TEX15: variants seen among roughly 807,000 people sequenced by gnomAD.
TEX15 encodes testis expressed 15, meiosis and synapsis associated.
A neutral mutation model predicts 237.3 loss-of-function variants in TEX15; 171 were observed. The ratio of observed to expected loss-of-function variants is 0.72; its 90% CI spans 0.64 to 0.82. The LOEUF (loss-of-function observed/expected upper bound fraction) is 0.82. Among genes scored for constraint, TEX15 ranks in the 40% least tolerant of loss-of-function variants. The pLI is 0.00. For synonymous variants in TEX15, 1,338 were observed against 1,269.8 expected, an observed-to-expected ratio of 1.05 and a Z score of -1.14; for missense variants, 3,750 against 3,646.5, an observed-to-expected ratio of 1.03 and a Z score of -0.73.
In TEX15 at chr8:30,843,403, T is replaced by C; in HGVS notation, c.6764A>G (p.Asn2255Ser). Residue 2255 changes from asparagine (N) to serine (S), a missense_variant, in exon 8 of 11, where the codon AAC (asparagine) becomes AGC (serine). Asn to Ser is a conservative substitution (Grantham distance 46, BLOSUM62 1). Transcript: ENST00000643185. Reference protein sequence around the residue: ...ISSKVNFIKNNEAVRVKISLY... With the variant: ...ISSKVNFIKNSEAVRVKISLY... ...AGATATTTTAACACGTACTGCCTCG[T>C]TGTTCTTAATAAAATTAACCTTTGA... is the stretch of plus-strand genomic sequence containing the variant. 6.2e-7 allele frequency: 1 copy of C among 1,613,084 alleles called. No homozygotes were observed. Among genetic ancestry groups the C allele is most frequent in the Non-Finnish European group, 8.5e-7 (1 of 1,179,676 alleles).
chr8:30,905,627 G>A (rs958696072), intron 1 of TEX15, among the ~76,000 whole-genome samples: 18 of 150,280 alleles, frequency 1.2e-4, no homozygotes, highest in Non-Finnish European at 2.2e-4. Context: ...TGTGGCTCAC[G>A]CCTATAATCC....
In TEX15 at chr8:30,832,049, A is replaced by G. The variant is rs1375571902; in HGVS notation, c.*1237T>C. ...TGACCTTCCCTTTTTAAAGATCTCT[A>G]TGTTAAAGAAGCAGCTTAGGTATTC... is the stretch of plus-strand genomic sequence containing the variant. On this transcript the variant is annotated 3_prime_UTR_variant, in exon 11 of 11. Transcript: ENST00000643185. The G allele has an allele frequency of 1.3e-5, 2 of 152,126 alleles. No homozygotes were observed. Among genetic ancestry groups the G allele is most frequent in the Admixed American group, 6.6e-5 (1 of 15,266 alleles). 9.4% of individuals were successfully genotyped at this position (152,126 alleles called of 1,614,324 possible).
Position 30,846,596 on chromosome 8 carries a change from G to A in TEX15, c.3571C>T (p.Pro1191Ser), listed in dbSNP as rs2128767986. Residue 1191 changes from proline (P) to serine (S), a missense_variant, in exon 8 of 11, where the codon CCG (proline) becomes TCG (serine). Transcript: ENST00000643185. Reference protein sequence around the residue: ...FCTHVTEATKPEINKEDGEIL... With the variant: ...FCTHVTEATKSEINKEDGEIL... ...TCTCCATCTTCCTTATTTATTTCCGGTTTTGTGGCTTCAGTTACATGTGTG... is the reference window on the plus strand; with the variant it reads ...TCTCCATCTTCCTTATTTATTTCCGATTTTGTGGCTTCAGTTACATGTGTG... 5.6e-6 allele frequency: 9 copies of A among 1,613,834 alleles called. No homozygotes were observed. Among genetic ancestry groups the A allele is most frequent in the Non-Finnish European group, 7.6e-6 (9 of 1,179,804 alleles).
intron 5 of TEX15, among the ~76,000 whole-genome samples, chr8:30,861,771 A>G (rs558883647): frequency 1.3e-5 from 2 of 152,286 alleles, no homozygotes; most frequent in African/African-American, 4.8e-5. Context: ...AAAACATTAT[A>G]CAGAGAGAAG....
At chr8:30,911,497 G>A (rs1461553918) in intron 1 of TEX15, among the ~76,000 whole-genome samples, 3 of 151,956 alleles carry the variant, frequency 2.0e-5, no homozygotes, top group Non-Finnish European at 4.4e-5. Flanking sequence ...ACACATAGTC[G>A]TCAAAAAGGA....
intron 1 of TEX15, among the ~76,000 whole-genome samples, chr8:30,907,215 T>C (rs902691536): frequency 6.6e-6 from 1 of 152,190 alleles, no homozygotes; most frequent in Non-Finnish European, 1.5e-5. Context: ...GGTGCAATCA[T>C]GGCTCATTGT....
At position 30,837,911 on chromosome 8, in the gene TEX15, G is replaced by A. The variant is rs369555778; in HGVS notation, c.8373C>T (p.Cys2791=). The A allele has an allele frequency of 1.9e-5, 31 of 1,614,010 alleles. No individual in the cohort carries two copies. Among genetic ancestry groups the A allele is most frequent in the Non-Finnish European group, 2.5e-5 (29 of 1,180,038 alleles). The stretch of plus-strand genomic sequence containing the variant: ...CTATTTTGCTTTCCGACTTTGATGC[G>A]CAAGTGTCTTTTGGGTTCTCTAAGG... ...LLPLENPKDT[C]ASKSESKIDL... Residue 2791 remains cysteine (C), a synonymous_variant, in exon 10 of 11, where the codon TGC becomes TGT. Coordinates refer to ENST00000643185, the MANE Select transcript of TEX15 (RefSeq NM_001350162.2).
rs1807659946 is a variant in TEX15, at chr8:30,847,871, G to C, written c.2296C>G (p.Pro766Ala). 1 of 1,613,698 alleles carries C rather than the reference G, an allele frequency of 6.2e-7. No individual in the cohort carries two copies. Among genetic ancestry groups the C allele is most frequent in the Non-Finnish European group, 8.5e-7 (1 of 1,179,950 alleles). The change falls in exon 8 of 11, where the codon CCG becomes GCG. Residue 766 changes from proline to alanine, a missense_variant. Pro to Ala is a conservative substitution (Grantham distance 27). Coordinates refer to ENST00000643185, the MANE Select transcript of TEX15 (RefSeq NM_001350162.2). ...GCCTGGGGTATGTCTTTTGGTTTCG[G>C]GAAAGCTTCAGTTATAATGCTAGCA... Reference protein sequence around the residue: ...NYASIITEAFPKPKDIPQAKE... With the variant: ...NYASIITEAFAKPKDIPQAKE...
intron 2 of TEX15, among the ~76,000 whole-genome samples, chr8:30,887,962 A>T (rs978054793): frequency 3.7e-4 from 52 of 140,302 alleles, no homozygotes; most frequent in African/African-American, 1.3e-3. Flanking sequence ...TTTTCCTCGT[A>T]ATTCATGTAA....
In TEX15 at chr8:30,844,682, A is replaced by C. The variant is rs745808091; in HGVS notation, c.5485T>G (p.Ser1829Ala). 30 of 1,613,188 alleles carry C rather than the reference A, an allele frequency of 1.9e-5. No homozygotes were observed. Among genetic ancestry groups the C allele is most frequent in the Non-Finnish European group, 2.5e-5 (30 of 1,179,600 alleles). Residue 1829 changes from serine to alanine, a missense_variant, in exon 8 of 11, where the codon TCT (serine) becomes GCT (alanine). Ser to Ala is a moderately conservative substitution (Grantham distance 99, BLOSUM62 1). Coordinates refer to ENST00000643185, the MANE Select transcript of TEX15 (RefSeq NM_001350162.2). ...LLLKDNVKGS[S>A]SETCIVKKDT... ...TTCTTCACAATACATGTTTCTGAAG[A>C]GGAGCCTTTTACATTATCTTTTAAA...
intron 1 of TEX15, 26 bp downstream of exon 1, chr8:30,912,852 TC>T (rs1053922590): frequency 2.6e-5 from 4 of 152,360 alleles, no homozygotes; most frequent in African/African-American, 7.2e-5. Flanking sequence ...AACCCTCCTC[TC>T]CTCATCTGCC....
At chr8:30,908,935 T>C (rs1809163489) in intron 1 of TEX15, among the ~76,000 whole-genome samples, 1 of 152,198 alleles carries the variant, frequency 6.6e-6, no homozygotes. Context: ...GCTGTTTTAA[T>C]ATAAAAATGC....
intron 2 of TEX15, among the ~76,000 whole-genome samples, chr8:30,892,981 C>T (rs538950492): frequency 4.8e-5 from 7 of 146,252 alleles, no homozygotes; most frequent in East Asian, 2.0e-4. Context: ...TGCAGTGAGC[C>T]GAGATTGTGC....
rs1807666832 is a variant in TEX15, at chr8:30,848,087, A to G, written c.2080T>C (p.Ser694Pro). Residue 694 changes from serine (S) to proline (P), a missense_variant, in exon 8 of 11, where the codon TCT (serine) becomes CCT (proline). By Grantham distance (74) the Ser-to-Pro change is moderately conservative. Coordinates refer to ENST00000643185, the MANE Select transcript of TEX15 (RefSeq NM_001350162.2). ...TCCTTATCCTTTATGGTAGATGTAG[A>G]AGATTTTGTTATTTCTAACTCTTGA... ...ITQELEITKS[S>P]TSTIKDKDEL... The G allele has an allele frequency of 6.2e-7, 1 of 1,611,110 alleles. No individual in the cohort carries two copies. The highest frequency in any genetic ancestry group is 8.5e-7 in the Non-Finnish European group (1 of 1,178,628).
rs201399146 is a variant in TEX15 at position 30,835,175 on chromosome 8, GCTCACTGCAACCTCTGC to G, written c.9481+1611_9481+1627del. Reference sequence around the variant, plus strand: ...GCTGGAGTGCAGTGGCGCGATCTCGGCTCACTGCAACCTCTGCCTCCCGGGTTCAAGTGATTCTCATG... The same window carrying G: ...GCTGGAGTGCAGTGGCGCGATCTCGGCTCCCGGGTTCAAGTGATTCTCATG... On this transcript the variant is annotated intron_variant, in intron 10 of 10. Transcript: ENST00000643185. 4.0e-3 allele frequency among the ~76,000 whole-genome samples: 601 copies of G among 152,046 alleles called. 2 individuals are homozygous for G. The highest frequency in any genetic ancestry group is 0.014 in the Middle Eastern group (4 of 292).
At chr8:30,897,632 A>G (rs1276650772) in intron 2 of TEX15, among the ~76,000 whole-genome samples, 3 of 152,208 alleles carry the variant, frequency 2.0e-5, no homozygotes, top group African/African-American at 7.2e-5. Flanking sequence ...GACTAAAAAT[A>G]TAAAAATTTT....
chr8:30,901,052 A>T (rs1053935321), intron 1 of TEX15, among the ~76,000 whole-genome samples: 10 of 152,262 alleles, frequency 6.6e-5, no homozygotes, highest in Non-Finnish European at 1.0e-4. Context: ...GTGCGAGGAT[A>T]ACTTGAGCCT....
intron 5 of TEX15, among the ~76,000 whole-genome samples, chr8:30,864,872 T>C (rs1808127458): frequency 2.0e-5 from 3 of 152,084 alleles, no homozygotes; most frequent in Admixed American, 1.3e-4. Flanking sequence ...TTGGTGTGTA[T>C]AGGTTTTTTT....
At chr8:30,850,992 C>T (rs1257119502) in intron 7 of TEX15, among the ~76,000 whole-genome samples, 2 of 152,068 alleles carry the variant, frequency 1.3e-5, no homozygotes, top group African/African-American at 4.8e-5. Context: ...TAATACTATA[C>T]AAATGTAAGC....
Sources: gnomAD v4.1 joint callset for allele counts (sites outside exome capture counted in the v4.1 genomes callset) on GRCh38, gnomAD v4.1.1 for gene constraint, MANE v1.5 for transcripts, NCBI Gene and HGNC (gene_info 2026-07-23, HGNC 2026-07-21) for gene names.